SPACA7: variants seen among roughly 807,000 people sequenced by gnomAD.
SPACA7 encodes the protein sperm acrosome-associated protein 7.
SPACA7 carries 19 observed loss-of-function variants against 26.3 expected under a neutral mutation model. The ratio of observed to expected loss-of-function variants is 0.72; its 90% CI spans 0.50 to 1.06. SPACA7 has a LOEUF of 1.06. Ranked by LOEUF, SPACA7 falls within the 50% of genes least tolerant of loss-of-function variation. The pLI is 0.00. For synonymous variants in SPACA7, 84 were observed against 84.5 expected, an observed-to-expected ratio of 0.99 and a Z score of 0.04; for missense variants, 211 against 229.9, an observed-to-expected ratio of 0.92 and a Z score of 0.53.
intron 5 of SPACA7, among the ~76,000 whole-genome samples, chr13:112,423,134 G>A (rs1285619982): frequency 1.3e-5 from 2 of 152,062 alleles, no homozygotes; most frequent in African/African-American, 4.8e-5. Context: ...ATACTCAAGC[G>A]ATTCAAAAAT....
chr13:112,408,117 C>T (rs541784859), intron 5 of SPACA7, among the ~76,000 whole-genome samples: 1 of 152,146 alleles, frequency 6.6e-6, no homozygotes, highest in Non-Finnish European at 1.5e-5. Context: ...AAAGAAAAAA[C>T]CACATGATTA....
chr13:112,434,388 G>C (rs575251387), intron 6 of SPACA7, 97 bp from the exon 7 acceptor site: 18 of 1,018,476 alleles, frequency 1.8e-5, no homozygotes, highest in African/African-American at 1.4e-4. Flanking sequence ...CTGAGGGCTT[G>C]GTTCCTCCTG....
rs1295921102 is a variant in SPACA7 at position 112,416,086 on chromosome 13, TCCTA to T, written c.445+14926_445+14929del. On this transcript the variant is annotated intron_variant, in intron 5 of 6. Coordinates refer to ENST00000283550, the MANE Select transcript of SPACA7 (RefSeq NM_145248.5). ...GGTGTAGGCAATACTACACTGTCCT[TCCTA>T]CCTTCTTCAATGTGTCTTTTCCTGT... Among the ~76,000 whole-genome samples, 4 of 152,084 alleles carry T rather than the reference TCCTA, an allele frequency of 2.6e-5. No individual in the cohort carries two copies. The East Asian group carries it at 7.8e-4, about 30-fold the overall frequency.
At chr13:112,394,483 C>T (rs1885105244) in intron 2 of SPACA7, among the ~76,000 whole-genome samples, 2 of 151,594 alleles carry the variant, frequency 1.3e-5, no homozygotes, top group South Asian at 2.1e-4. Context: ...CAGGAGCTGT[C>T]GCTGTCAGAA....
At position 112,383,125 on chromosome 13, in the gene SPACA7, G is replaced by GA. The variant is rs1376485678; in HGVS notation, c.94+6649dup. On this transcript the variant is annotated intron_variant, in intron 1 of 6. Transcript: ENST00000283550. ...AGAAAGAAAAGAAAAGAAAAGAAAA[G>GA]AAAGAAAGAAAGAAAGAAAGAAAGA... is the stretch of plus-strand genomic sequence containing the variant. 5.2e-3 allele frequency among the ~76,000 whole-genome samples: 22 copies of GA among 4,254 alleles called. 1 individual carries two copies. Among genetic ancestry groups the GA allele is most frequent in the South Asian group, 0.014 (2 of 146 alleles). The allele number at this position is 4,254 out of a possible 152,430, so 2.8% of individuals were successfully genotyped here. A position where few individuals can be genotyped will look rare whatever the true frequency, so the allele number is the denominator to read the frequency against.
intron 1 of SPACA7, among the ~76,000 whole-genome samples, chr13:112,380,764 T>G (rs1332327101): frequency 6.6e-6 from 1 of 152,226 alleles, no homozygotes; most frequent in Non-Finnish European, 1.5e-5. Context: ...AAAACAGATC[T>G]TACTTTCCTT....
chr13:112,432,283 T>A (rs556528927), intron 5 of SPACA7, among the ~76,000 whole-genome samples, 161 bp from the exon 6 acceptor site: 9 of 152,356 alleles, frequency 5.9e-5, no homozygotes, highest in African/African-American at 1.9e-4. Context: ...TGGCCTCGCC[T>A]GAGGCTGTGT....
At position 112,398,006 on chromosome 13, in the gene SPACA7, C is replaced by T. The variant is rs367818732; in HGVS notation, c.152-43C>T. ...AGGGGACAGGAGCCAAGGGCCAGCCCTGCAGGGCCGACTCTAACGTGATCT... is the reference window on the plus strand; with the variant it reads ...AGGGGACAGGAGCCAAGGGCCAGCCTTGCAGGGCCGACTCTAACGTGATCT... On this transcript the variant is annotated intron_variant, in intron 2 of 6. Coordinates refer to ENST00000283550, the MANE Select transcript of SPACA7 (RefSeq NM_145248.5). 188 of 1,433,910 alleles carry T rather than the reference C, an allele frequency of 1.3e-4. No individual in the cohort carries two copies. The African/African-American group carries it at 2.5e-3, about 19-fold the overall frequency. 88.8% of individuals were successfully genotyped at this position (1,433,910 alleles called of 1,614,324 possible). A position where few individuals can be genotyped will look rare whatever the true frequency, so the allele number is the denominator to read the frequency against.
chr13:112,382,255 T>G, intron 1 of SPACA7: 1 of 563,776 alleles, frequency 1.8e-6, no homozygotes, highest in Non-Finnish European at 3.0e-6. Context: ...TTTTGTTGTT[T>G]TGTTTTGTTT....
chr13:112,377,807 A>G (rs7986912), intron 1 of SPACA7, among the ~76,000 whole-genome samples: 39,676 of 152,204 alleles, frequency 0.26, 6,000 homozygotes, highest in Non-Finnish European at 0.35. Flanking sequence ...TCCATGTTTC[A>G]TCTGGTGGAG....
chr13:112,388,747 G>GT (rs1451329168), intron 1 of SPACA7, among the ~76,000 whole-genome samples: 17 of 152,224 alleles, frequency 1.1e-4, no homozygotes, highest in Admixed American at 3.9e-4. Context: ...GGAGACCAGA[G>GT]TTTTTTTATT....
intron 5 of SPACA7, among the ~76,000 whole-genome samples, chr13:112,421,325 C>G (rs1411105088): frequency 6.6e-6 from 1 of 150,590 alleles, no homozygotes; most frequent in Non-Finnish European, 1.5e-5. Context: ...TGATAAATTA[C>G]TATTTAAAGT....
At chr13:112,385,695 T>C (rs1046870757) in intron 1 of SPACA7, among the ~76,000 whole-genome samples, 5 of 152,188 alleles carry the variant, frequency 3.3e-5, no homozygotes, top group Non-Finnish European at 5.9e-5. Flanking sequence ...AATATTTTAT[T>C]TTACTAATAA....
intron 5 of SPACA7, among the ~76,000 whole-genome samples, chr13:112,405,931 G>C (rs1441308447): frequency 6.6e-6 from 1 of 152,082 alleles, no homozygotes; most frequent in Non-Finnish European, 1.5e-5. Context: ...TTAATGTTTT[G>C]AGGATTGGAT....
intron 1 of SPACA7, among the ~76,000 whole-genome samples, chr13:112,378,901 C>A (rs549998005): frequency 6.6e-6 from 1 of 152,120 alleles, no homozygotes; most frequent in Non-Finnish European, 1.5e-5. Flanking sequence ...ATTAAACTTA[C>A]GCAAACAATT....
intron 5 of SPACA7, among the ~76,000 whole-genome samples, chr13:112,407,947 G>A (rs1193646338): frequency 6.6e-6 from 1 of 152,178 alleles, no homozygotes; most frequent in Non-Finnish European, 1.5e-5. Flanking sequence ...TATCCCTGAT[G>A]AACATTGATG....
chr13:112,396,177 G>A (rs1313688487), intron 2 of SPACA7, among the ~76,000 whole-genome samples: 1 of 149,234 alleles, frequency 6.7e-6, no homozygotes, highest in African/African-American at 2.4e-5. Context: ...CGGGCATGGA[G>A]TGGACTGGGT....
At chr13:112,388,491 G>C (rs1165669314) in intron 1 of SPACA7, among the ~76,000 whole-genome samples, 1 of 152,224 alleles carries the variant, frequency 6.6e-6, no homozygotes, top group Admixed American at 6.5e-5. Context: ...CCAGTAGAGA[G>C]AGTACCAGAG....
intron 1 of SPACA7, 52 bp from the exon 2 acceptor site, chr13:112,392,969 T>C (rs1884990062): frequency 6.5e-7 from 1 of 1,528,458 alleles, no homozygotes; most frequent in Admixed American, 1.7e-5. Context: ...AAGAGAAAAA[T>C]ATGCAAATTC....
Sources: gnomAD v4.1 joint callset for allele counts (sites outside exome capture counted in the v4.1 genomes callset) on GRCh38, gnomAD v4.1.1 for gene constraint, MANE v1.5 for transcripts, NCBI Gene and HGNC (gene_info 2026-07-23, HGNC 2026-07-21) for gene names.